EXT1: variants seen among roughly 807,000 people sequenced by gnomAD.
EXT1 encodes exostosin glycosyltransferase 1.
A neutral mutation model predicts 82.5 loss-of-function variants in EXT1; 20 were observed. That is an observed-to-expected ratio of 0.24 (90% CI 0.17 to 0.35). The LOEUF (loss-of-function observed/expected upper bound fraction) is 0.35, where lower values mean the gene tolerates loss of function less well. Ranked by LOEUF, EXT1 falls within the 10% of genes least tolerant of loss-of-function variation. The probability of loss-of-function intolerance (pLI) is 1.00; values close to 1 mark genes in which losing one functional copy is unlikely to be tolerated. For synonymous variants in EXT1, 348 were observed against 350.8 expected, an observed-to-expected ratio of 0.99 and a Z score of 0.09; for missense variants, 757 against 936.5, an observed-to-expected ratio of 0.81 and a Z score of 2.50.
chr8:117,858,836 G>GAAAGAAAGAAAGAAAGAAA (rs1563582203), intron 1 of EXT1, among the ~76,000 whole-genome samples: 1 of 52,846 alleles, frequency 1.9e-5, no homozygotes, highest in East Asian at 3.5e-4. Flanking sequence ...AAGGAAGGAA[G>GAAAGAAAGAAAGAAAGAAA]GAAGGAAGGA....
chr8:117,827,699 A>G (rs1368625691), intron 4 of EXT1, among the ~76,000 whole-genome samples: 2 of 147,906 alleles, frequency 1.4e-5, no homozygotes, highest in Non-Finnish European at 3.0e-5. Flanking sequence ...GGCCTCAGAA[A>G]TGCTTGAACC....
intron 1 of EXT1, among the ~76,000 whole-genome samples, chr8:117,856,380 G>A (rs1049026731): frequency 2.0e-5 from 3 of 148,354 alleles, no homozygotes; most frequent in Non-Finnish European, 3.0e-5. Context: ...TCAGCCTCCC[G>A]AGTAGCTGGG....
At chr8:118,086,875 T>C (rs1288730092) in intron 1 of EXT1, among the ~76,000 whole-genome samples, 4 of 152,194 alleles carry the variant, frequency 2.6e-5, no homozygotes, top group African/African-American at 9.7e-5. Context: ...AATTTTGTGT[T>C]AGACTAGGTT....
intron 1 of EXT1, among the ~76,000 whole-genome samples, chr8:118,030,205 A>C (rs1816281804): frequency 6.6e-6 from 1 of 151,962 alleles, no homozygotes; most frequent in Non-Finnish European, 1.5e-5. Context: ...TTTTGTGAGA[A>C]GGGATTACTT....
At chr8:117,951,350 C>G (rs1814488157) in intron 1 of EXT1, among the ~76,000 whole-genome samples, 1 of 152,216 alleles carries the variant, frequency 6.6e-6, no homozygotes, top group Non-Finnish European at 1.5e-5. Context: ...CAGGGTCTCA[C>G]AGCAAATGGG....
intron 1 of EXT1, among the ~76,000 whole-genome samples, chr8:117,971,792 C>CT (rs1441811802): frequency 3.3e-5 from 5 of 152,192 alleles, no homozygotes; most frequent in Non-Finnish European, 7.3e-5. Context: ...CCTTTCTTGA[C>CT]ATTTTTCCAA....
intron 1 of EXT1, among the ~76,000 whole-genome samples, chr8:117,878,259 GT>G (rs1324559037): frequency 6.6e-6 from 1 of 152,222 alleles, no homozygotes; most frequent in African/African-American, 2.4e-5. Context: ...GGGCGACAGA[GT>G]GTGAGACTCC....
chr8:118,027,056 C>G (rs892291390), intron 1 of EXT1, among the ~76,000 whole-genome samples: 1 of 152,108 alleles, frequency 6.6e-6, no homozygotes, highest in South Asian at 2.1e-4. Flanking sequence ...GCCTGGGCAA[C>G]ACAGTGAGAC....
chr8:118,039,821 C>T (rs977687029), intron 1 of EXT1, among the ~76,000 whole-genome samples: 1 of 152,112 alleles, frequency 6.6e-6, no homozygotes, highest in African/African-American at 2.4e-5. Context: ...CTGATGATTT[C>T]TTCCAGGAAT....
At chr8:118,108,679 T>C (rs1245316512) in intron 1 of EXT1, among the ~76,000 whole-genome samples, 2 of 152,290 alleles carry the variant, frequency 1.3e-5, no homozygotes, top group African/African-American at 4.8e-5. Context: ...CTTGATACTT[T>C]CTCCTTCACT....
chr8:117,904,068 C>G (rs1260528535), intron 1 of EXT1, among the ~76,000 whole-genome samples: 1 of 152,176 alleles, frequency 6.6e-6, no homozygotes, highest in Non-Finnish European at 1.5e-5. Flanking sequence ...TCAGGAACTT[C>G]TGGTTCTGCT....
intron 1 of EXT1, among the ~76,000 whole-genome samples, chr8:117,915,507 T>C (rs1813730757): frequency 6.6e-6 from 1 of 152,192 alleles, no homozygotes; most frequent in East Asian, 1.9e-4. Flanking sequence ...TTTTCATTCT[T>C]ATAAAAAAAT....
At chr8:117,800,883 T>C (rs1310643079) in intron 10 of EXT1, among the ~76,000 whole-genome samples, 1 of 152,336 alleles carries the variant, frequency 6.6e-6, no homozygotes, top group Non-Finnish European at 1.5e-5. Flanking sequence ...GAAATTTAAA[T>C]AGAATGACTA....
intron 1 of EXT1, among the ~76,000 whole-genome samples, chr8:117,944,955 G>T (rs1814358108): frequency 6.6e-6 from 1 of 152,150 alleles, no homozygotes; most frequent in South Asian, 2.1e-4. Context: ...GAGGTCAGGA[G>T]ATCGAGACCA....
At chr8:118,043,015 C>T (rs1457651949) in intron 1 of EXT1, among the ~76,000 whole-genome samples, 1 of 152,200 alleles carries the variant, frequency 6.6e-6, no homozygotes, top group African/African-American at 2.4e-5. Context: ...TGGCAATGAA[C>T]TCAGCAGTCT....
intron 1 of EXT1, among the ~76,000 whole-genome samples, chr8:117,950,357 C>G (rs1353593283): frequency 6.6e-6 from 1 of 152,228 alleles, no homozygotes; most frequent in Non-Finnish European, 1.5e-5. Flanking sequence ...GCAGCTATTT[C>G]AAGTAACTGA....
chr8:117,888,994 T>C (rs1392629940), intron 1 of EXT1, among the ~76,000 whole-genome samples: 3 of 152,324 alleles, frequency 2.0e-5, no homozygotes, highest in African/African-American at 4.8e-5. Flanking sequence ...TTCCAAGCCC[T>C]GATGGTGGTT....
intron 1 of EXT1, among the ~76,000 whole-genome samples, chr8:117,946,613 G>T (rs749526230): frequency 6.6e-6 from 1 of 151,440 alleles, no homozygotes; most frequent in East Asian, 2.0e-4. Flanking sequence ...AGACAAAAGC[G>T]TCATCCACAA....
At chr8:117,928,933 C>T (rs1457061166) in intron 1 of EXT1, among the ~76,000 whole-genome samples, 1 of 152,044 alleles carries the variant, frequency 6.6e-6, no homozygotes, top group African/African-American at 2.4e-5. Context: ...AAACAAACAA[C>T]CCAAAAGCCC....
Sources: gnomAD v4.1 joint callset for allele counts (sites outside exome capture counted in the v4.1 genomes callset) on GRCh38, gnomAD v4.1.1 for gene constraint, MANE v1.5 for transcripts, NCBI Gene and HGNC (gene_info 2026-07-23, HGNC 2026-07-21) for gene names.